The following ANK3 variants were observed in gnomAD, a reference collection of about 807,000 sequenced individuals.
ANK3 encodes ankyrin 3.
A neutral mutation model predicts 370.9 loss-of-function variants in ANK3; 57 were observed. That is an observed-to-expected ratio of 0.15 (90% CI 0.12 to 0.19). ANK3 has a LOEUF of 0.19. Among genes scored for constraint, ANK3 ranks in the 10% least tolerant of loss-of-function variants. The probability of loss-of-function intolerance (pLI) is 1.00; values close to 1 mark genes in which losing one functional copy is unlikely to be tolerated. For missense variants in ANK3, 4,439 were observed against 5,302.1 expected (o/e 0.84, Z 5.06); for synonymous variants, 1,929 against 1,946.3 (o/e 0.99, Z 0.23).
At chr10:60,086,991 C>CAAAAAACA in intron 29 of ANK3, 107 bp from the exon 30 acceptor site, 1 of 143,712 alleles carries the variant, frequency 7.0e-6, no homozygotes, top group Non-Finnish European at 1.2e-5. Flanking sequence ...AACAGACAAC[C>CAAAAAACA]AAAAAAAAAA....
chr10:60,396,960 G>A (rs2063253801), intron 2 of ANK3, among the ~76,000 whole-genome samples: 2 of 152,260 alleles, frequency 1.3e-5, no homozygotes, highest in South Asian at 4.2e-4. Flanking sequence ...ATGTTAGTGA[G>A]TTCTGACCAA....
At chr10:60,554,597 C>A (rs969908121) in intron 2 of ANK3, among the ~76,000 whole-genome samples, 7 of 152,118 alleles carry the variant, frequency 4.6e-5, no homozygotes, top group African/African-American at 1.7e-4. Flanking sequence ...GAGCCAAAAA[C>A]CACTATGAAT....
chr10:60,468,311 A>G (rs1452304655), intron 2 of ANK3, among the ~76,000 whole-genome samples: 1 of 152,156 alleles, frequency 6.6e-6, no homozygotes, highest in African/African-American at 2.4e-5. Flanking sequence ...TATGTAATTT[A>G]GCACCATACA....
At chr10:60,409,146 C>G (rs1424471053) in intron 2 of ANK3, among the ~76,000 whole-genome samples, 1 of 152,142 alleles carries the variant, frequency 6.6e-6, no homozygotes, top group Non-Finnish European at 1.5e-5. Context: ...AGGGTTACAG[C>G]TGATTTCTCC....
At chr10:60,727,540 AG>A (rs2079958648) in intron 1 of ANK3, among the ~76,000 whole-genome samples, 1 of 152,172 alleles carries the variant, frequency 6.6e-6, no homozygotes, top group Non-Finnish European at 1.5e-5. Flanking sequence ...AAATGTAGTG[AG>A]TTTTATTGTA....
rs184674870 is a variant in ANK3 at position 60,292,994 on chromosome 10, C to A, written c.115-13355G>T. 6.4e-3 allele frequency among the ~76,000 whole-genome samples: 978 copies of A among 152,320 alleles called. 9 individuals carry two copies. The highest frequency in any genetic ancestry group is 0.023 in the African/African-American group (940 of 41,580). On this transcript the variant is annotated intron_variant, in intron 1 of 43. Coordinates refer to ENST00000280772, the MANE Select transcript of ANK3 (RefSeq NM_020987.5). ...AAAGTGCTGGGATTACAGGCATGAGCCACCAAGCCCCGCCCAGGGTCCTAA... is the reference window on the plus strand; with the variant it reads ...AAAGTGCTGGGATTACAGGCATGAGACACCAAGCCCCGCCCAGGGTCCTAA...
In ANK3 at chr10:60,496,596, C is replaced by T. The variant is rs182497412; in HGVS notation, c.96+118590G>A. Among the ~76,000 whole-genome samples the T allele has an allele frequency of 1.8e-3, 272 of 150,994 alleles. 1 individual carries two copies. The highest frequency in any genetic ancestry group is 6.3e-3 in the African/African-American group (260 of 41,158). ...AACTTCAAGAAGAAAATCTTCCATA[C>T]AAACATTAGCTTTTCTTTTTATTAT... On this transcript the variant is annotated intron_variant, in intron 2 of 43. Transcript: ENST00000373827.
intron 2 of ANK3, among the ~76,000 whole-genome samples, chr10:60,568,047 G>A (rs1567152646): frequency 6.6e-6 from 1 of 152,208 alleles, no homozygotes; most frequent in Non-Finnish European, 1.5e-5. Flanking sequence ...ACTCTTGGGT[G>A]AAGACACTAT....
intron 2 of ANK3, among the ~76,000 whole-genome samples, chr10:60,457,615 A>G (rs1004183686): frequency 3.3e-5 from 5 of 152,104 alleles, no homozygotes; most frequent in Non-Finnish European, 7.4e-5. Flanking sequence ...AATGATCATC[A>G]GTGTCTCCTT....
chr10:60,382,699 T>C lies in ANK3; in HGVS notation c.114+6726A>G, dbSNP rs538274972. Among the ~76,000 whole-genome samples, 9 of 151,764 alleles carry C rather than the reference T, an allele frequency of 5.9e-5. No individual in the cohort carries two copies. In the South Asian group the frequency reaches 1.9e-3, roughly 32 times the overall value. Reference sequence around the variant, plus strand: ...ACAATTTGGGCAAAACTATAGCAAATTGCTTGTTATTTCTTGAAAATAAAA... The same window carrying C: ...ACAATTTGGGCAAAACTATAGCAAACTGCTTGTTATTTCTTGAAAATAAAA... On this transcript the variant is annotated intron_variant, in intron 1 of 43. Coordinates refer to ENST00000280772, the MANE Select transcript of ANK3 (RefSeq NM_020987.5).
Position 60,080,560 on chromosome 10 carries a change from C to T in ANK3, c.4409G>A (p.Ser1470Asn). The T allele has an allele frequency of 1.2e-6, 2 of 1,612,240 alleles. No homozygotes were observed. The highest frequency in any genetic ancestry group is 2.2e-5 in the South Asian group (2 of 90,612). The change falls in exon 36 of 44, where the codon AGC becomes AAC. Residue 1470 changes from serine (S) to asparagine (N), a missense_variant. Ser to Asn is a conservative substitution (Grantham distance 46). Around this residue, in one of 13 missense-constraint regions of ANK3, gnomAD observed 679 missense variants for 791.0 expected, o/e 0.86. Transcript: ENST00000280772. The stretch of plus-strand genomic sequence containing the variant: ...ACTCATTCCAGGCTCAGTCAAGTAG[C>T]TGTAGCGCTTACGTAAAGCTAAGGA... ...FASLALRKRY[S>N]YLTEPGMIER...
At chr10:60,684,843 T>C in intron 1 of ANK3, 1 of 1,502,962 alleles carries the variant, frequency 6.7e-7, no homozygotes, top group Non-Finnish European at 9.1e-7. Flanking sequence ...AAGCCAAAAC[T>C]GAACTTCACA....
At chr10:60,172,564 G>A (rs1416812643) in intron 20 of ANK3, among the ~76,000 whole-genome samples, 161 bp from the exon 21 acceptor site, 1 of 152,126 alleles carries the variant, frequency 6.6e-6, no homozygotes, top group Non-Finnish European at 1.5e-5. Context: ...CACCTAACCT[G>A]TTTGTACAGC....
chr10:60,438,586 A>G (rs549100914), intron 2 of ANK3, among the ~76,000 whole-genome samples: 1 of 152,334 alleles, frequency 6.6e-6, no homozygotes, highest in East Asian at 1.9e-4. Flanking sequence ...GCTATTCACA[A>G]CCTCACAATG....
chr10:60,643,300 C>A lies in ANK3; in HGVS notation c.58-28076G>T, dbSNP rs551561689. On this transcript the variant is annotated intron_variant, in intron 1 of 43. Transcript: ENST00000373827. ...AGCTGCCAGCACAGCCAGAATAAAG[C>A]AGGGAGAAAAATGTAAAAACGTGAG... Among the ~76,000 whole-genome samples the A allele has an allele frequency of 5.9e-5, 9 of 152,226 alleles. No individual in the cohort carries two copies. The East Asian group carries it at 1.7e-3, about 29-fold the overall frequency.
Position 60,198,979 on chromosome 10 carries a change from G to A in ANK3, c.1492-442C>T, listed in dbSNP as rs137986706. ...CTTCCCATAGACAAAAGCAGAGTGT[G>A]AGGAAGGCAGTGTGGGGTTGCGCAG... On this transcript the variant is annotated intron_variant, in intron 13 of 43. Coordinates refer to ENST00000280772, the MANE Select transcript of ANK3 (RefSeq NM_020987.5). Among the ~76,000 whole-genome samples the A allele has an allele frequency of 2.4e-3, 368 of 152,314 alleles. 5 individuals carry two copies. The highest frequency in any genetic ancestry group is 0.017 in the Admixed American group (258 of 15,300).
chr10:60,481,431 T>C (rs2075212520), intron 2 of ANK3, among the ~76,000 whole-genome samples: 1 of 151,916 alleles, frequency 6.6e-6, no homozygotes, highest in Admixed American at 6.6e-5. Flanking sequence ...TGAGCAAAAT[T>C]CCGTAGTTCC....
intron 2 of ANK3, among the ~76,000 whole-genome samples, chr10:60,477,382 T>G (rs1281700258): frequency 2.0e-5 from 3 of 151,946 alleles, no homozygotes; most frequent in Non-Finnish European, 2.9e-5. Context: ...ACACTGAAAG[T>G]CAAGGAGAGA....
At chr10:60,099,387 C>T (rs1200904444) in intron 28 of ANK3, among the ~76,000 whole-genome samples, 1 of 152,198 alleles carries the variant, frequency 6.6e-6, no homozygotes, top group Middle Eastern at 3.2e-3. Flanking sequence ...TTGGTCTCTG[C>T]CCTCTTGGAC....
Sources: allele counts gnomAD v4.1 joint callset (sites outside exome capture counted in the v4.1 genomes callset), GRCh38; gene constraint gnomAD v4.1.1; regional missense constraint gnomAD v4.1.1; transcripts MANE v1.5; gene names NCBI Gene and HGNC (gene_info 2026-07-23, HGNC 2026-07-21).